PRKCA: variants seen among roughly 807,000 people sequenced by gnomAD.
The protein encoded by PRKCA is protein kinase C alpha type.
A neutral mutation model predicts 87.0 loss-of-function variants in PRKCA; 27 were observed. The observed-to-expected ratio is 0.31, with a 90% confidence interval of 0.23 to 0.43. The LOEUF is 0.43. Ranked by LOEUF, PRKCA falls within the 20% of genes least tolerant of loss-of-function variation. The probability of loss-of-function intolerance (pLI) is 1.00; values close to 1 mark genes in which losing one functional copy is unlikely to be tolerated. For synonymous variants in PRKCA, 329 were observed against 311.1 expected (o/e 1.06, Z -0.61); for missense variants, 518 against 852.3 (o/e 0.61, Z 4.88).
At chr17:66,414,502 C>T (rs920916476) in intron 2 of PRKCA, among the ~76,000 whole-genome samples, 1 of 152,154 alleles carries the variant, frequency 6.6e-6, no homozygotes, top group Non-Finnish European at 1.5e-5. Context: ...TACCCAGTCT[C>T]AGGTATTTCC....
intron 2 of PRKCA, among the ~76,000 whole-genome samples, chr17:66,455,268 T>G (rs1384959186): frequency 6.6e-6 from 1 of 152,152 alleles, no homozygotes; most frequent in Non-Finnish European, 1.5e-5. Flanking sequence ...AAAAGTTCAT[T>G]AATTTTAGTC....
At chr17:66,733,107 C>T (rs539065347) in intron 9 of PRKCA, among the ~76,000 whole-genome samples, 5 of 146,086 alleles carry the variant, frequency 3.4e-5, no homozygotes, top group African/African-American at 7.7e-5. Flanking sequence ...GCCGAGATCG[C>T]ACCACTGCAC....
intron 3 of PRKCA, among the ~76,000 whole-genome samples, chr17:66,501,668 G>A (rs1916736801): frequency 6.6e-6 from 1 of 152,186 alleles, no homozygotes; most frequent in Non-Finnish European, 1.5e-5. Context: ...AATGCAGCTT[G>A]GGGCTCTGCC....
rs186074858 is a variant in PRKCA, at chr17:66,411,662, G to A, written c.206-84539G>A. Among the ~76,000 whole-genome samples the A allele has an allele frequency of 4.8e-3, 735 of 152,248 alleles. 5 individuals are homozygous for A. The highest frequency in any genetic ancestry group is 0.017 in the African/African-American group (701 of 41,550). On this transcript the variant is annotated intron_variant, in intron 2 of 16. Coordinates refer to ENST00000413366, the MANE Select transcript of PRKCA (RefSeq NM_002737.3). The stretch of plus-strand genomic sequence containing the variant: ...TTGCCCGAATGGTGCAAAAGCAGAG[G>A]TGGACGAAACTGCTTGTGTCTTGGT...
At chr17:66,706,416 G>T (rs1022701851) in intron 8 of PRKCA, among the ~76,000 whole-genome samples, 2 of 151,514 alleles carry the variant, frequency 1.3e-5, no homozygotes, top group African/African-American at 4.9e-5. Flanking sequence ...CAGGCAGATC[G>T]CAAGGTCAGG....
intron 3 of PRKCA, among the ~76,000 whole-genome samples, chr17:66,576,623 A>G (rs1015229180): frequency 2.0e-5 from 3 of 152,164 alleles, no homozygotes; most frequent in Non-Finnish European, 2.9e-5. Flanking sequence ...TTTGATACCC[A>G]TGTACGACTT....
intron 2 of PRKCA, among the ~76,000 whole-genome samples, chr17:66,374,414 A>G (rs887434748): frequency 3.3e-5 from 5 of 152,126 alleles, no homozygotes; most frequent in Non-Finnish European, 7.4e-5. Flanking sequence ...GTTTGGTGCT[A>G]TCAAGGTCAC....
At chr17:66,648,592 G>A (rs1209578841) in intron 5 of PRKCA, among the ~76,000 whole-genome samples, 2 of 152,176 alleles carry the variant, frequency 1.3e-5, no homozygotes, top group Admixed American at 1.3e-4. Context: ...AGTTATGTGT[G>A]TGAAGGGAAT....
At chr17:66,695,201 A>C (rs1039791188) in intron 8 of PRKCA, among the ~76,000 whole-genome samples, 2 of 152,170 alleles carry the variant, frequency 1.3e-5, no homozygotes, top group Non-Finnish European at 2.9e-5. Context: ...CCAATCCTGC[A>C]ACCTCAAGAG....
intron 4 of PRKCA, 34 bp from the exon 5 acceptor site, chr17:66,645,349 T>C (rs369380927): frequency 7.9e-5 from 127 of 1,613,736 alleles, no homozygotes; most frequent in Non-Finnish European, 1.0e-4. Flanking sequence ...GGAGTCCATA[T>C]GCCCAGCTCA....
At chr17:66,688,265 A>G (rs1477618652) in intron 6 of PRKCA, 37 bp from the exon 7 acceptor site, 2 of 1,610,056 alleles carry the variant, frequency 1.2e-6, no homozygotes, top group Non-Finnish European at 8.5e-7. Context: ...ACCATGATCA[A>G]GATAACCTAG....
chr17:66,411,395 A>C (rs1911796792), intron 2 of PRKCA, among the ~76,000 whole-genome samples: 1 of 152,122 alleles, frequency 6.6e-6, no homozygotes, highest in Admixed American at 6.5e-5. Flanking sequence ...TAAAAACAGC[A>C]GTCTTTGGTC....
At chr17:66,340,725 T>A (rs536458351) in intron 2 of PRKCA, among the ~76,000 whole-genome samples, 1 of 152,332 alleles carries the variant, frequency 6.6e-6, no homozygotes, top group South Asian at 2.1e-4. Context: ...TTCTCTGGAT[T>A]TGGATACTTG....
intron 13 of PRKCA, among the ~76,000 whole-genome samples, chr17:66,773,749 T>A (rs1404257604): frequency 6.6e-6 from 1 of 152,128 alleles, no homozygotes; most frequent in Non-Finnish European, 1.5e-5. Flanking sequence ...CTGTGGCATC[T>A]CCAGGTGGAT....
In PRKCA at chr17:66,559,479, C is replaced by CAAAAAA. The variant is rs34998780; in HGVS notation, c.288+63218_288+63223dup. Among the ~76,000 whole-genome samples the CAAAAAA allele has an allele frequency of 2.2e-4, 8 of 36,722 alleles. 1 individual carries two copies. In the Admixed American group the frequency reaches 2.8e-3, roughly 13 times the overall value. The allele number at this position is 36,722 out of a possible 152,430, so 24.1% of individuals were successfully genotyped here. A position where few individuals can be genotyped will look rare whatever the true frequency, so the allele number is the denominator to read the frequency against. ...GCAACAGAGTGAGTCTCTGTCTCAC[C>CAAAAAA]AAAAAAAAAAAAAAAAAAAAAAAAA... is the stretch of plus-strand genomic sequence containing the variant. On this transcript the variant is annotated intron_variant, in intron 3 of 16. Coordinates refer to ENST00000413366, the MANE Select transcript of PRKCA (RefSeq NM_002737.3).
chr17:66,520,962 G>A (rs1406160375), intron 3 of PRKCA, among the ~76,000 whole-genome samples: 1 of 152,124 alleles, frequency 6.6e-6, no homozygotes, highest in Non-Finnish European at 1.5e-5. Context: ...TGATTTAAAA[G>A]TCTCCATGCC....
chr17:66,803,174 C>T lies in PRKCA; in HGVS notation c.1855-699C>T, dbSNP rs561138040. Among the ~76,000 whole-genome samples, 1 of 152,300 alleles carries T rather than the reference C, an allele frequency of 6.6e-6. No individual in the cohort carries two copies. Among genetic ancestry groups the T allele is most frequent in the Non-Finnish European group, 1.5e-5 (1 of 68,028 alleles). On this transcript the variant is annotated intron_variant, in intron 16 of 16. Transcript: ENST00000413366. The surrounding 1 kb of genome is among the most constrained non-coding windows in gnomAD (Gnocchi z 4.4). ...GACAGCAGGCCTCTCCCTGCCTCCC[C>T]AGGGCGCCATGCAAACATCCTCCAG...
chr17:66,614,103 A>G (rs1160647760), intron 3 of PRKCA, among the ~76,000 whole-genome samples: 1 of 151,976 alleles, frequency 6.6e-6, no homozygotes, highest in Non-Finnish European at 1.5e-5. Flanking sequence ...CCTCATCTTA[A>G]CTTAACTAAA....
intron 2 of PRKCA, among the ~76,000 whole-genome samples, chr17:66,400,079 C>A (rs1448014899): frequency 6.6e-6 from 1 of 152,114 alleles, no homozygotes; most frequent in Admixed American, 6.5e-5. Context: ...TTTTTTTAAT[C>A]TGTCAATGAA....
Sources: gnomAD v4.1 joint callset for allele counts (sites outside exome capture counted in the v4.1 genomes callset) on GRCh38, gnomAD v4.1.1 for gene constraint, Gnocchi (gnomAD v3.1) non-coding constraint, MANE v1.5 for transcripts, NCBI Gene and HGNC (gene_info 2026-07-23, HGNC 2026-07-21) for gene names.